TRMT10B: variants seen among roughly 807,000 people sequenced by gnomAD.
TRMT10B encodes tRNA methyltransferase 10 homolog B.
In TRMT10B, 33 loss-of-function variants were observed where a neutral mutation model predicts 43.8. The ratio of observed to expected loss-of-function variants is 0.75; its 90% confidence interval spans 0.57 to 1.01. The LOEUF is 1.01. Among genes scored for constraint, TRMT10B ranks in the 50% least tolerant of loss-of-function variants. The pLI is 0.00. For synonymous variants in TRMT10B, 137 were observed against 130.6 expected, an observed-to-expected ratio of 1.05 and a Z score of -0.34; for missense variants, 362 against 369.8, an observed-to-expected ratio of 0.98 and a Z score of 0.17.
At chr9:37,761,853 C>G (rs1021496700) in intron 1 of TRMT10B, 50 bp from the exon 2 acceptor site, 2 of 1,301,690 alleles carry the variant, frequency 1.5e-6, no homozygotes, top group African/African-American at 2.9e-5. Flanking sequence ...AGGGAGATAC[C>G]TATGTTAGTG....
chr9:37,769,822 C>T (rs575613250), intron 5 of TRMT10B, 119 bp from the exon 6 acceptor site: 10 of 807,128 alleles, frequency 1.2e-5, no homozygotes, highest in South Asian at 5.6e-5. Flanking sequence ...AGTCTGGTCT[C>T]GAACTTTGGA....
chr9:37,752,941 T>C (rs916122714), upstream of TRMT10B, among the ~76,000 whole-genome samples: 2 of 152,194 alleles, frequency 1.3e-5, no homozygotes, highest in African/African-American at 4.8e-5. Context: ...GTGGGTGCTT[T>C]GTTCTTTGTA....
chr9:37,765,351 T>C (rs1240983875), intron 4 of TRMT10B, among the ~76,000 whole-genome samples: 1 of 152,154 alleles, frequency 6.6e-6, no homozygotes, highest in African/African-American at 2.4e-5. Context: ...ATACGGTGTT[T>C]GGTTTTTTGT....
rs1490497781 is a variant in TRMT10B at position 37,778,871 on chromosome 9, A to AC, written c.*1164_*1165insC. 1.3e-5 allele frequency: 2 copies of AC among 152,152 alleles called. No individual in the cohort carries two copies. Among genetic ancestry groups the AC allele is most frequent in the African/African-American group, 4.8e-5 (2 of 41,420 alleles). The allele number at this position is 152,152 out of a possible 1,614,324, so 9.4% of individuals were successfully genotyped here. On this transcript the variant is annotated 3_prime_UTR_variant, in exon 9 of 9. Coordinates refer to ENST00000297994, the MANE Select transcript of TRMT10B (RefSeq NM_144964.4). ...TAATCCTTCCTAATGGTAGGATCCT[A>AC]ACAGGACAAATCTGTGTACCTATCT...
chr9:37,759,034 T>G (rs565125378), intron 1 of TRMT10B, among the ~76,000 whole-genome samples: 1 of 152,212 alleles, frequency 6.6e-6, no homozygotes. Context: ...ACATTTGGAA[T>G]GCTCATACAT....
chr9:37,769,308 TAAAAAAAAAA>T lies in TRMT10B; in HGVS notation c.574-609_574-600del, dbSNP rs57651814. ...GGGTGACAGAGCCAGACCCTGTCTT[TAAAAAAAAAA>T]AAAAAAAAAAAAAAAAAAAAAAATC... On this transcript the variant is annotated intron_variant, in intron 5 of 8. Transcript: ENST00000297994. Among the ~76,000 whole-genome samples the T allele has an allele frequency of 9.7e-4, 59 of 60,724 alleles. 1 individual carries two copies. Among genetic ancestry groups the T allele is most frequent in the East Asian group, 6.4e-3 (11 of 1,714 alleles). The allele number at this position is 60,724 out of a possible 152,430, so 39.8% of individuals were successfully genotyped here. A position where few individuals can be genotyped will look rare whatever the true frequency, so the allele number is the denominator to read the frequency against.
intron 7 of TRMT10B, among the ~76,000 whole-genome samples, chr9:37,774,222 G>A (rs1194302393): frequency 2.0e-5 from 3 of 152,080 alleles, no homozygotes; most frequent in Admixed American, 1.3e-4. Context: ...TGCTGGTGTC[G>A]AACTGCTGGG....
rs149951927 is a variant in TRMT10B at position 37,766,691 on chromosome 9, T to C, written c.421-1385T>C. Among the ~76,000 whole-genome samples, 428 of 152,372 alleles carry C rather than the reference T, an allele frequency of 2.8e-3. 6 individuals are homozygous for C. Among genetic ancestry groups the C allele is most frequent in the South Asian group, 0.019 (90 of 4,832 alleles). ...GGGCAGTATGGCCATTTTAATGATATTGATTTTCCTACCCATGAGCATGGA... is the reference window on the plus strand; with the variant it reads ...GGGCAGTATGGCCATTTTAATGATACTGATTTTCCTACCCATGAGCATGGA... On this transcript the variant is annotated intron_variant, in intron 4 of 8. Transcript: ENST00000297994.
At chr9:37,765,360 G>A (rs1237052907) in intron 4 of TRMT10B, among the ~76,000 whole-genome samples, 3 of 151,710 alleles carry the variant, frequency 2.0e-5, no homozygotes, top group African/African-American at 4.8e-5. Context: ...TTGGTTTTTT[G>A]TCCTTGTGAT....
chr9:37,777,193 TCAAAAAAA>T (rs1828252228), intron 8 of TRMT10B, among the ~76,000 whole-genome samples: 1 of 14,256 alleles, frequency 7.0e-5, no homozygotes, highest in African/African-American at 4.3e-4. Context: ...CAACTCCGCC[TCAAAAAAA>T]AAAAAAAAAA....
Position 37,769,929 on chromosome 9 carries a change from T to G in TRMT10B, c.574-12T>G. 1 of 1,613,098 alleles carries G rather than the reference T, an allele frequency of 6.2e-7. No individual in the cohort carries two copies. The highest frequency in any genetic ancestry group is 8.5e-7 in the Non-Finnish European group (1 of 1,179,040). ...TGAGCTGTTTTAACATCAGACTGTT[T>G]GCATTTTCCAGTTAGACATAACAGA... On this transcript the variant is annotated splice_polypyrimidine_tract_variant and intron_variant, in intron 5 of 8. Coordinates refer to ENST00000297994, the MANE Select transcript of TRMT10B (RefSeq NM_144964.4).
chr9:37,776,058 T>C (rs1343095823), intron 7 of TRMT10B, among the ~76,000 whole-genome samples: 2 of 152,174 alleles, frequency 1.3e-5, no homozygotes, highest in African/African-American at 2.4e-5. Flanking sequence ...ATGTGCCTCT[T>C]TTGCTTATTT....
intron 1 of TRMT10B, among the ~76,000 whole-genome samples, chr9:37,758,962 A>G (rs920873716): frequency 6.6e-6 from 1 of 152,134 alleles, no homozygotes; most frequent in African/African-American, 2.4e-5. Flanking sequence ...GCAGGGAGGG[A>G]GTGGTGTAGC....
intron 7 of TRMT10B, among the ~76,000 whole-genome samples, chr9:37,774,392 C>T (rs1442952176): frequency 6.6e-6 from 1 of 152,168 alleles, no homozygotes; most frequent in Non-Finnish European, 1.5e-5. Context: ...TATCTGTCCA[C>T]CAACATTTAA....
chr9:37,761,772 G>A (rs1393389236), intron 1 of TRMT10B, 131 bp from the exon 2 acceptor site: 1 of 619,404 alleles, frequency 1.6e-6, no homozygotes, highest in African/African-American at 1.8e-5. Context: ...GCTTTTCTCA[G>A]TCCAGTAAAT....
At chr9:37,765,851 T>A (rs1387480594) in intron 4 of TRMT10B, among the ~76,000 whole-genome samples, 1 of 152,230 alleles carries the variant, frequency 6.6e-6, no homozygotes, top group Non-Finnish European at 1.5e-5. Flanking sequence ...TGATGAGCAT[T>A]TTTTCATGTG....
intron 4 of TRMT10B, among the ~76,000 whole-genome samples, chr9:37,764,448 C>T (rs957634682): frequency 9.9e-5 from 15 of 151,264 alleles, no homozygotes; most frequent in African/African-American, 3.2e-4. Flanking sequence ...CAGCCTCCCA[C>T]GTAGCTGGGA....
intron 1 of TRMT10B, among the ~76,000 whole-genome samples, chr9:37,760,565 T>C (rs1826218535): frequency 6.6e-6 from 1 of 152,186 alleles, no homozygotes; most frequent in Non-Finnish European, 1.5e-5. Flanking sequence ...AATTCTTATG[T>C]TTCATAGGGA....
intron 6 of TRMT10B, among the ~76,000 whole-genome samples, chr9:37,770,314 AATGTTAGATCT>A (rs1827432545): frequency 6.6e-6 from 1 of 152,146 alleles, no homozygotes; most frequent in Non-Finnish European, 1.5e-5. Flanking sequence ...TTCTTGGATC[AATGTTAGATCT>A]ATTTTTTCCT....
Sources: allele counts gnomAD v4.1 joint callset (sites outside exome capture counted in the v4.1 genomes callset), GRCh38; gene constraint gnomAD v4.1.1; transcripts MANE v1.5; gene names NCBI Gene and HGNC (gene_info 2026-07-23, HGNC 2026-07-21).